The following SGIP1 variants were observed in gnomAD, a reference collection of about 807,000 sequenced individuals.
SGIP1 encodes the protein SH3GL interacting endocytic adaptor 1, also known as SH3-containing GRB2-like protein 3-interacting protein 1.
A neutral mutation model predicts 107.5 loss-of-function variants in SGIP1; 38 were observed. That is an observed-to-expected ratio of 0.35 (90% confidence interval 0.27 to 0.46). The LOEUF is 0.46. SGIP1 is among the 20% of genes least tolerant of loss of function. The pLI is 1.00. For missense variants in SGIP1, 929 were observed against 1,019.5 expected (o/e 0.91, Z 1.21); for synonymous variants, 365 against 366.1 (o/e 1.00, Z 0.03).
intron 1 of SGIP1, among the ~76,000 whole-genome samples, chr1:66,621,237 A>G (rs1303651633): frequency 6.6e-6 from 1 of 152,192 alleles, no homozygotes; most frequent in Non-Finnish European, 1.5e-5. Context: ...TATGAACAGG[A>G]ATTTGTGACC....
chr1:66,685,376 G>C (rs2087949222), intron 15 of SGIP1, among the ~76,000 whole-genome samples: 1 of 152,194 alleles, frequency 6.6e-6, no homozygotes, highest in African/African-American at 2.4e-5. Flanking sequence ...TATGTCAAAA[G>C]TTATAAATAC....
chr1:66,572,899 T>C (rs1198443833), intron 1 of SGIP1, among the ~76,000 whole-genome samples: 2 of 152,156 alleles, frequency 1.3e-5, no homozygotes, highest in African/African-American at 2.4e-5. Context: ...CTGATACATA[T>C]ACATATTATA....
rs189768883 is a variant in SGIP1 at position 66,637,957 on chromosome 1, A to G, written c.172-1820A>G. On this transcript the variant is annotated intron_variant, in intron 4 of 24. Transcript: ENST00000371037. ...CCTTAGTTACGAAGATGAGATTATC[A>G]TGGAAGCAAACTGTAGAACTTTGAA... is the stretch of plus-strand genomic sequence containing the variant. 1.8e-4 allele frequency among the ~76,000 whole-genome samples: 28 copies of G among 151,938 alleles called. No homozygotes were observed. In the East Asian group the frequency reaches 4.7e-3, roughly 25 times the overall value.
At chr1:66,615,379 T>C (rs4655502) in intron 1 of SGIP1, among the ~76,000 whole-genome samples, 22,398 of 152,176 alleles carry the variant, frequency 0.15, 2,180 homozygotes, top group East Asian at 0.46. Flanking sequence ...GTGACCCGCC[T>C]GCCTCAGCCT....
intron 7 of SGIP1, among the ~76,000 whole-genome samples, chr1:66,654,120 C>T (rs1222796181): frequency 1.3e-5 from 2 of 152,096 alleles, no homozygotes; most frequent in Non-Finnish European, 2.9e-5. Context: ...CACCACGGGA[C>T]ATTATATAAA....
rs6656705 is a variant in SGIP1 at position 66,656,821 on chromosome 1, G to A, written c.460-3692G>A. On this transcript the variant is annotated intron_variant, in intron 7 of 24. Coordinates refer to ENST00000371037, the MANE Select transcript of SGIP1 (RefSeq NM_032291.4). ...GCTCCTTGTGAATACCCAACCAGTC[G>A]TAAATAACTGAGACAAAGTGATTAT... 3.8e-4 allele frequency among the ~76,000 whole-genome samples: 57 copies of A among 152,000 alleles called. 1 individual carries two copies. In the East Asian group the frequency reaches 6.6e-3, roughly 18 times the overall value.
chr1:66,741,442 T>A lies in SGIP1; in HGVS notation c.2464+6T>A. The A allele has an allele frequency of 6.4e-7, 1 of 1,555,080 alleles. No homozygotes were observed. The highest frequency in any genetic ancestry group is 8.7e-7 in the Non-Finnish European group (1 of 1,149,006). On this transcript the variant is annotated splice_donor_region_variant and intron_variant, in intron 24 of 24. Coordinates refer to ENST00000371037, the MANE Select transcript of SGIP1 (RefSeq NM_032291.4). Reference sequence around the variant, plus strand: ...CAAGAAAAGGTTTGCTGCAGGTAAATGAGTATCTTGATTTTTTCATTTGCG... The same window carrying A: ...CAAGAAAAGGTTTGCTGCAGGTAAAAGAGTATCTTGATTTTTTCATTTGCG...
At chr1:66,707,468 A>G (rs1043126587) in intron 18 of SGIP1, among the ~76,000 whole-genome samples, 2 of 152,184 alleles carry the variant, frequency 1.3e-5, no homozygotes, top group African/African-American at 4.8e-5. Flanking sequence ...CACATCAAAA[A>G]TTCCAGAATT....
intron 1 of SGIP1, among the ~76,000 whole-genome samples, chr1:66,609,642 T>C (rs966632819): frequency 7.9e-5 from 12 of 152,182 alleles, no homozygotes; most frequent in Non-Finnish European, 2.9e-5. Context: ...ATGGGAGAAC[T>C]GAACAAGATG....
At chr1:66,634,347 T>C (rs753462127) in intron 3 of SGIP1, among the ~76,000 whole-genome samples, 7 of 152,174 alleles carry the variant, frequency 4.6e-5, no homozygotes, top group Non-Finnish European at 1.0e-4. Flanking sequence ...CTTATTTTCT[T>C]TCTCCAAACC....
chr1:66,637,511 T>G (rs1396847218), intron 4 of SGIP1, among the ~76,000 whole-genome samples: 1 of 151,382 alleles, frequency 6.6e-6, no homozygotes, highest in African/African-American at 2.4e-5. Context: ...CCAAAAATAA[T>G]GTATTGTTAT....
In SGIP1 at chr1:66,614,881, G is replaced by A. The variant is rs144747589; in HGVS notation, c.11-10966G>A. On this transcript the variant is annotated intron_variant, in intron 1 of 24. Coordinates refer to ENST00000371037, the MANE Select transcript of SGIP1 (RefSeq NM_032291.4). Reference sequence around the variant, plus strand: ...GTCACCCAGGCTGGAGTGCAGTGGCGTGATCTCAGCTCACCACAACCTCCG... The same window carrying A: ...GTCACCCAGGCTGGAGTGCAGTGGCATGATCTCAGCTCACCACAACCTCCG... Among the ~76,000 whole-genome samples, 730 of 136,814 alleles carry A rather than the reference G, an allele frequency of 5.3e-3. 8 individuals carry two copies. Among genetic ancestry groups the A allele is most frequent in the African/African-American group, 0.019 (698 of 36,748 alleles). The allele number at this position is 136,814 out of a possible 152,430, so 89.8% of individuals were successfully genotyped here. A position where few individuals can be genotyped will look rare whatever the true frequency, so the allele number is the denominator to read the frequency against.
chr1:66,658,344 G>A (rs2080204110), intron 7 of SGIP1, among the ~76,000 whole-genome samples: 1 of 152,188 alleles, frequency 6.6e-6, no homozygotes, highest in African/African-American at 2.4e-5. Context: ...ACAAAGCTGT[G>A]CCACTTCTTT....
At chr1:66,731,033 G>A (rs1351540872) in intron 20 of SGIP1, among the ~76,000 whole-genome samples, 1 of 152,098 alleles carries the variant, frequency 6.6e-6, no homozygotes, top group Non-Finnish European at 1.5e-5. Context: ...GACAAAAACC[G>A]TAATTCCTTT....
chr1:66,560,009 A>G (rs538439801), intron 1 of SGIP1, among the ~76,000 whole-genome samples: 20 of 152,180 alleles, frequency 1.3e-4, no homozygotes, highest in Non-Finnish European at 2.4e-4. Flanking sequence ...CTAAGTTGGC[A>G]AATTACCAAC....
At chr1:66,600,468 C>G (rs1226476076) in intron 1 of SGIP1, among the ~76,000 whole-genome samples, 1 of 152,136 alleles carries the variant, frequency 6.6e-6, no homozygotes, top group Admixed American at 6.5e-5. Context: ...GAAAGAATAA[C>G]GAGTTCCACC....
chr1:66,635,445 A>AT (rs142540042), intron 3 of SGIP1, among the ~76,000 whole-genome samples: 2,652 of 152,308 alleles, frequency 0.017, 75 homozygotes, highest in African/African-American at 0.061. Context: ...TGAGAAGGTC[A>AT]TTTTTTATCA....
intron 1 of SGIP1, among the ~76,000 whole-genome samples, chr1:66,553,095 C>G (rs2148305072): frequency 6.6e-6 from 1 of 152,262 alleles, no homozygotes; most frequent in African/African-American, 2.4e-5. Context: ...GCTGGGACGA[C>G]AGCTCCATGT....
At chr1:66,628,933 C>T (rs1181765639) in intron 2 of SGIP1, among the ~76,000 whole-genome samples, 2 of 152,196 alleles carry the variant, frequency 1.3e-5, no homozygotes, top group Non-Finnish European at 2.9e-5. Flanking sequence ...GGTCAAAGGA[C>T]AAGCTGTTTA....
Sources: gnomAD v4.1 joint callset for allele counts (sites outside exome capture counted in the v4.1 genomes callset) on GRCh38, gnomAD v4.1.1 for gene constraint, MANE v1.5 for transcripts, NCBI Gene and HGNC (gene_info 2026-07-23, HGNC 2026-07-21) for gene names.